RAB22A: variants seen among roughly 807,000 people sequenced by gnomAD.
RAB22A encodes the protein RAB22A, member RAS oncogene family.
A neutral mutation model predicts 30.2 loss-of-function variants in RAB22A; 13 were observed. The ratio of observed to expected loss-of-function variants is 0.43; its 90% CI spans 0.28 to 0.68. The LOEUF (loss-of-function observed/expected upper bound fraction) is 0.68, where lower values mean the gene tolerates loss of function less well. Among genes scored for constraint, RAB22A ranks in the 30% least tolerant of loss-of-function variants. RAB22A has a pLI of 0.18. For synonymous variants in RAB22A, 89 were observed against 87.2 expected, an observed-to-expected ratio of 1.02 and a Z score of -0.11; for missense variants, 177 against 246.8, an observed-to-expected ratio of 0.72 and a Z score of 1.89.
At chr20:58,311,507 G>A (rs1229031812) in intron 2 of RAB22A, among the ~76,000 whole-genome samples, 1 of 152,194 alleles carries the variant, frequency 6.6e-6, no homozygotes, top group Non-Finnish European at 1.5e-5. Flanking sequence ...CTTCCTGAAA[G>A]TAGTAGGTTG....
Position 58,365,204 on chromosome 20 carries a change from C to G in RAB22A, c.*5501C>G, listed in dbSNP as rs1328032075. ...ATGCAGTACTGTGGAGGAAATCATCCTTAAAATAGCATTTCACACATAGGG... is the reference window on the plus strand; with the variant it reads ...ATGCAGTACTGTGGAGGAAATCATCGTTAAAATAGCATTTCACACATAGGG... On this transcript the variant is annotated 3_prime_UTR_variant, in exon 7 of 7. Coordinates refer to ENST00000244040, the MANE Select transcript of RAB22A (RefSeq NM_020673.3). 6.6e-6 allele frequency: 1 copy of G among 152,080 alleles called. No homozygotes were observed. Among genetic ancestry groups the G allele is most frequent in the Non-Finnish European group, 1.5e-5 (1 of 67,990 alleles). The allele number at this position is 152,080 out of a possible 1,614,324, so 9.4% of individuals were successfully genotyped here. A position where few individuals can be genotyped will look rare whatever the true frequency, so the allele number is the denominator to read the frequency against.
intron 3 of RAB22A, among the ~76,000 whole-genome samples, chr20:58,349,091 CTTCT>C (rs1357047891): frequency 6.6e-6 from 1 of 152,116 alleles, no homozygotes. Flanking sequence ...ATGCCTCCAC[CTTCT>C]TTCTTTGCAT....
At chr20:58,339,748 G>T (rs532278159) in intron 2 of RAB22A, among the ~76,000 whole-genome samples, 3 of 152,128 alleles carry the variant, frequency 2.0e-5, no homozygotes, top group African/African-American at 7.2e-5. Context: ...TGGAAATAAC[G>T]CCCTATTTTC....
chr20:58,346,264 T>C (rs1327538529), intron 3 of RAB22A, among the ~76,000 whole-genome samples: 2 of 152,238 alleles, frequency 1.3e-5, no homozygotes, highest in Non-Finnish European at 2.9e-5. Context: ...AGGAATCTTC[T>C]GGAAACAAAA....
At chr20:58,342,491 G>T (rs1986871879) in intron 2 of RAB22A, among the ~76,000 whole-genome samples, 1 of 152,044 alleles carries the variant, frequency 6.6e-6, no homozygotes, top group Non-Finnish European at 1.5e-5. Context: ...AAGTCATCCT[G>T]TCTATTCAAC....
chr20:58,344,624 A>G (rs1271293249), intron 3 of RAB22A, among the ~76,000 whole-genome samples: 1 of 152,258 alleles, frequency 6.6e-6, no homozygotes, highest in Non-Finnish European at 1.5e-5. Context: ...TCCAAACAGC[A>G]CATCTGATAG....
intron 2 of RAB22A, among the ~76,000 whole-genome samples, chr20:58,337,007 C>A (rs1244456548): frequency 6.6e-6 from 1 of 152,184 alleles, no homozygotes; most frequent in Non-Finnish European, 1.5e-5. Context: ...CCTCGCCCAT[C>A]TTCTCCCTCA....
At chr20:58,352,345 A>G (rs142971027) in intron 3 of RAB22A, among the ~76,000 whole-genome samples, 19 of 152,346 alleles carry the variant, frequency 1.2e-4, no homozygotes, top group Admixed American at 2.0e-4. Flanking sequence ...GTTCAGGGGT[A>G]AACCACCATT....
intron 3 of RAB22A, among the ~76,000 whole-genome samples, chr20:58,344,144 G>A (rs1338653009): frequency 6.6e-6 from 1 of 152,154 alleles, no homozygotes; most frequent in African/African-American, 2.4e-5. Context: ...TGGTAGAAAG[G>A]GTGAGTTAAG....
intron 3 of RAB22A, among the ~76,000 whole-genome samples, chr20:58,350,102 G>GAA (rs1041981670): frequency 6.8e-6 from 1 of 146,510 alleles, no homozygotes; most frequent in African/African-American, 2.5e-5. Flanking sequence ...TCTCTTAAGG[G>GAA]AAAAAAAAAA....
At chr20:58,315,432 G>T (rs78396816) in intron 2 of RAB22A, among the ~76,000 whole-genome samples, 5 of 152,028 alleles carry the variant, frequency 3.3e-5, no homozygotes, top group African/African-American at 1.2e-4. Context: ...CTAAGGGCTC[G>T]CCTGTGTCGT....
At chr20:58,323,298 C>T (rs556397733) in intron 2 of RAB22A, among the ~76,000 whole-genome samples, 3 of 152,006 alleles carry the variant, frequency 2.0e-5, no homozygotes, top group South Asian at 2.1e-4. Flanking sequence ...TACAGAAATA[C>T]GACTTTTAAA....
chr20:58,312,575 G>A (rs1417957853), intron 2 of RAB22A, among the ~76,000 whole-genome samples: 10 of 131,760 alleles, frequency 7.6e-5, no homozygotes, highest in African/African-American at 2.5e-4. Context: ...TGCAAGCTCC[G>A]CCTCCTGGAT....
intron 3 of RAB22A, among the ~76,000 whole-genome samples, chr20:58,351,684 A>G (rs1987053072): frequency 6.6e-6 from 1 of 152,170 alleles, no homozygotes; most frequent in African/African-American, 2.4e-5. Flanking sequence ...GTGGTAGCGC[A>G]TGCCTGTAAT....
intron 6 of RAB22A, among the ~76,000 whole-genome samples, chr20:58,357,229 C>T (rs1449453025): frequency 6.6e-6 from 1 of 152,164 alleles, no homozygotes; most frequent in Non-Finnish European, 1.5e-5. Context: ...AGCACATTTC[C>T]GAATATATGT....
chr20:58,309,793 G>T lies in RAB22A; in HGVS notation c.-184G>T, dbSNP rs1452643737. ...GCGGCGGCGTCCCGGCTGCTAAGGC[G>T]GGCCCCACGCGGCTGGCAGCGGACA... On this transcript the variant is annotated 5_prime_UTR_variant, in exon 1 of 7. Transcript: ENST00000244040. 4.5e-6 allele frequency: 2 copies of T among 439,920 alleles called. No individual in the cohort carries two copies. Among genetic ancestry groups the T allele is most frequent in the Non-Finnish European group, 7.2e-6 (2 of 276,528 alleles). 27.3% of individuals were successfully genotyped at this position (439,920 alleles called of 1,614,324 possible).
At chr20:58,337,303 A>C (rs893038788) in intron 2 of RAB22A, among the ~76,000 whole-genome samples, 1 of 152,102 alleles carries the variant, frequency 6.6e-6, no homozygotes, top group Admixed American at 6.5e-5. Flanking sequence ...TTCATCTTCA[A>C]GGCCCGTCAT....
At chr20:58,341,368 C>T (rs1334525154) in intron 2 of RAB22A, among the ~76,000 whole-genome samples, 6 of 152,010 alleles carry the variant, frequency 3.9e-5, no homozygotes, top group African/African-American at 1.2e-4. Context: ...TTTCCTCCAG[C>T]GAAGCCACCA....
intron 2 of RAB22A, among the ~76,000 whole-genome samples, chr20:58,312,472 C>CTTTTTTTTTTTTTTTTTTTTT (rs58198236): frequency 2.6e-5 from 1 of 38,710 alleles, no homozygotes; most frequent in African/African-American, 9.9e-5. Flanking sequence ...GGCTGGTTTT[C>CTTTTTTTTTTTTTTTTTTTTT]TTTTTTTTTT....
Sources: allele counts gnomAD v4.1 joint callset (sites outside exome capture counted in the v4.1 genomes callset), GRCh38; gene constraint gnomAD v4.1.1; transcripts MANE v1.5; gene names NCBI Gene and HGNC (gene_info 2026-07-23, HGNC 2026-07-21).